Variants in SCN3A observed in about 807,000 individuals in gnomAD.
The protein encoded by SCN3A is sodium voltage-gated channel alpha subunit 3, also known as sodium channel protein type 3 subunit alpha.
A neutral mutation model predicts 187.6 loss-of-function variants in SCN3A; 60 were observed. That is an observed-to-expected ratio of 0.32 (90% CI 0.26 to 0.40). The LOEUF (loss-of-function observed/expected upper bound fraction) is 0.40, where lower values mean the gene tolerates loss of function less well. Among genes scored for constraint, SCN3A ranks in the 10% least tolerant of loss-of-function variants. SCN3A has a pLI of 1.00. For missense variants in SCN3A, 1,601 were observed against 2,428.2 expected (o/e 0.66, Z 7.16); for synonymous variants, 788 against 829.2 (o/e 0.95, Z 0.85).
At chr2:165,097,045 A>G (rs1685392130) in intron 23 of SCN3A, among the ~76,000 whole-genome samples, 1 of 152,234 alleles carries the variant, frequency 6.6e-6, no homozygotes, top group African/African-American at 2.4e-5. Context: ...ACATTAAAAC[A>G]TACTAAAAGC....
At chr2:165,156,285 T>TC (rs1689022832) in intron 9 of SCN3A, among the ~76,000 whole-genome samples, 1 of 151,392 alleles carries the variant, frequency 6.6e-6, no homozygotes, top group Admixed American at 6.6e-5. Flanking sequence ...GGCGGGCGGA[T>TC]CATAAGGTCA....
intron 12 of SCN3A, among the ~76,000 whole-genome samples, chr2:165,145,699 C>T (rs1688275645): frequency 1.3e-5 from 2 of 151,664 alleles, no homozygotes; most frequent in Admixed American, 6.6e-5. Flanking sequence ...TTAGAAGTTT[C>T]TTTCTTTATG....
intron 9 of SCN3A, among the ~76,000 whole-genome samples, chr2:165,157,015 A>G (rs1474933939): frequency 6.6e-6 from 1 of 151,914 alleles, no homozygotes; most frequent in Admixed American, 6.6e-5. Context: ...GGTTCACACC[A>G]TTCTCCTGCC....
At chr2:165,104,576 T>C (rs1685760544) in intron 21 of SCN3A, among the ~76,000 whole-genome samples, 1 of 151,760 alleles carries the variant, frequency 6.6e-6, no homozygotes, top group Non-Finnish European at 1.5e-5. Context: ...GGAATATTTT[T>C]AATAGTCTTG....
intron 1 of SCN3A, chr2:165,194,894 A>C (rs1202167505): frequency 6.6e-6 from 1 of 151,958 alleles, no homozygotes; most frequent in Non-Finnish European, 1.5e-5. Context: ...TTTTTCCTTC[A>C]GGCTCCGAGC....
At chr2:165,106,976 T>C (rs1257991022) in intron 21 of SCN3A, among the ~76,000 whole-genome samples, 1 of 152,134 alleles carries the variant, frequency 6.6e-6, no homozygotes, top group Non-Finnish European at 1.5e-5. Context: ...GAGAAGAACT[T>C]GCTGATTGAT....
chr2:165,145,256 T>C (rs1688245990), intron 12 of SCN3A, among the ~76,000 whole-genome samples: 1 of 152,162 alleles, frequency 6.6e-6, no homozygotes, highest in Non-Finnish European at 1.5e-5. Flanking sequence ...CATATACTCT[T>C]AATTCTAATA....
intron 21 of SCN3A, among the ~76,000 whole-genome samples, chr2:165,101,183 C>T (rs1473186430): frequency 2.0e-5 from 3 of 152,094 alleles, no homozygotes; most frequent in East Asian, 1.9e-4. Flanking sequence ...TTGGATTTTT[C>T]GATTAGAGAT....
chr2:165,164,158 T>G (rs1184268055), intron 6 of SCN3A, among the ~76,000 whole-genome samples: 1 of 152,206 alleles, frequency 6.6e-6, no homozygotes, highest in Non-Finnish European at 1.5e-5. Context: ...ATGAATAACT[T>G]CATTTTGATG....
chr2:165,120,826 T>C (rs1686635368), intron 18 of SCN3A, among the ~76,000 whole-genome samples: 1 of 151,534 alleles, frequency 6.6e-6, no homozygotes, highest in Admixed American at 6.6e-5. Context: ...CACGATCACT[T>C]ATCGAAAGAT....
intron 12 of SCN3A, among the ~76,000 whole-genome samples, chr2:165,142,723 G>GTGGTGTTGT (rs1553529037): frequency 6.7e-6 from 1 of 148,710 alleles, no homozygotes; most frequent in African/African-American, 2.5e-5. Context: ...TCCAGAACTC[G>GTGGTGTTGT]TGTTGTTGTT....
chr2:165,106,135 A>G (rs1421183428), intron 21 of SCN3A, among the ~76,000 whole-genome samples: 1 of 152,202 alleles, frequency 6.6e-6, no homozygotes, highest in African/African-American at 2.4e-5. Context: ...TGCACTCATC[A>G]CTGGTGACTA....
chr2:165,194,403 C>T (rs1395727985), intron 1 of SCN3A, among the ~76,000 whole-genome samples: 1 of 152,016 alleles, frequency 6.6e-6, no homozygotes, highest in African/African-American at 2.4e-5. Context: ...ATAGCAATAC[C>T]CTTATACCCT....
intron 12 of SCN3A, among the ~76,000 whole-genome samples, chr2:165,141,277 C>G (rs1365178561): frequency 1.3e-5 from 2 of 152,114 alleles, no homozygotes; most frequent in African/African-American, 4.8e-5. Flanking sequence ...ATTGGGTTAT[C>G]ATAATGCTAT....
intron 1 of SCN3A, among the ~76,000 whole-genome samples, chr2:165,202,353 C>T (rs1489626987): frequency 6.6e-6 from 1 of 151,876 alleles, no homozygotes; most frequent in Non-Finnish European, 1.5e-5. Flanking sequence ...AAATGTAAAC[C>T]AGTTCAATCA....
At chr2:165,128,934 A>G (rs1334916081) in intron 17 of SCN3A, among the ~76,000 whole-genome samples, 1 of 152,230 alleles carries the variant, frequency 6.6e-6, no homozygotes, top group East Asian at 1.9e-4. Context: ...CTGATGTAAA[A>G]GAAAATTTAT....
rs185416115 is a variant in SCN3A at position 165,098,406 on chromosome 2, G to A, written c.3967-882C>T. 1.5e-3 allele frequency among the ~76,000 whole-genome samples: 234 copies of A among 152,150 alleles called. 1 individual carries two copies. The highest frequency in any genetic ancestry group is 8.4e-4 in the Non-Finnish European group (57 of 67,992). On this transcript the variant is annotated intron_variant, in intron 22 of 27. Coordinates refer to ENST00000283254, the MANE Select transcript of SCN3A (RefSeq NM_006922.4). ...ACATTATTTTAGAAATCAATACCAA[G>A]GAATCTTAAATTGACATCAAAACCA...
In SCN3A at chr2:165,162,700, T is replaced by G; in HGVS notation, c.823A>C (p.Asn275His). 6.2e-7 allele frequency: 1 copy of G among 1,614,182 alleles called. No individual in the cohort carries two copies. Among genetic ancestry groups the G allele is most frequent in the Non-Finnish European group, 8.5e-7 (1 of 1,180,016 alleles). Reference sequence around the variant, plus strand: ...CTTGGGGGCCACTGCAAACATTTATTCCTCAGATTGCCCATGAACAGCTGC... The same window carrying G: ...CTTGGGGGCCACTGCAAACATTTATGCCTCAGATTGCCCATGAACAGCTGC... ...GLQLFMGNLR[N>H]KCLQWPPSDS... The change falls in exon 8 of 28, where the codon AAT becomes CAT. Residue 275 changes from asparagine to histidine, a missense_variant. Asn to His is a moderately conservative substitution (Grantham distance 68, BLOSUM62 1). Coordinates refer to ENST00000283254, the MANE Select transcript of SCN3A (RefSeq NM_006922.4).
intron 16 of SCN3A, among the ~76,000 whole-genome samples, chr2:165,131,004 G>C (rs1392987592): frequency 1.3e-5 from 2 of 152,018 alleles, no homozygotes; most frequent in African/African-American, 4.8e-5. Context: ...CACAGTTTTA[G>C]AAAGTACTTG....
Sources: gnomAD v4.1 joint callset for allele counts (sites outside exome capture counted in the v4.1 genomes callset) on GRCh38, gnomAD v4.1.1 for gene constraint, MANE v1.5 for transcripts, NCBI Gene and HGNC (gene_info 2026-07-23, HGNC 2026-07-21) for gene names.